SRGAP1: variants seen among roughly 807,000 people sequenced by gnomAD.
The protein encoded by SRGAP1 is SLIT-ROBO Rho GTPase-activating protein 1.
In SRGAP1, 43 loss-of-function variants were observed where a neutral mutation model predicts 121.9. The ratio of observed to expected loss-of-function variants is 0.35; its 90% CI spans 0.28 to 0.46. The LOEUF is 0.46. Among genes scored for constraint, SRGAP1 ranks in the 20% least tolerant of loss-of-function variants. The pLI, the probability that SRGAP1 is intolerant of heterozygous loss-of-function variation, is 1.00. For missense variants in SRGAP1, 1,102 were observed against 1,350.9 expected (o/e 0.82, Z 2.89); for synonymous variants, 447 against 485.4 (o/e 0.92, Z 1.04).
chr12:63,976,722 T>C (rs1376290233), intron 1 of SRGAP1, among the ~76,000 whole-genome samples: 1 of 152,174 alleles, frequency 6.6e-6, no homozygotes, highest in Non-Finnish European at 1.5e-5. Context: ...AGCACAGCCT[T>C]GTGAGGTGGG....
chr12:64,027,536 G>T (rs1318638251), intron 4 of SRGAP1, among the ~76,000 whole-genome samples: 2 of 152,068 alleles, frequency 1.3e-5, no homozygotes, highest in Non-Finnish European at 2.9e-5. Flanking sequence ...GAGAGCCAAG[G>T]CACAGAGTTG....
At chr12:64,097,476 AC>A in intron 15 of SRGAP1, 101 bp downstream of exon 15, 1 of 1,156,152 alleles carries the variant, frequency 8.6e-7, no homozygotes, top group Non-Finnish European at 1.2e-6. Context: ...CACCCCCATT[AC>A]CCCATTACCA....
intron 4 of SRGAP1, among the ~76,000 whole-genome samples, chr12:64,025,028 C>T (rs185986077): frequency 1.3e-5 from 2 of 152,110 alleles, no homozygotes; most frequent in Admixed American, 6.6e-5. Flanking sequence ...TGTCCTGGTA[C>T]AAACCCAGAG....
At chr12:63,966,296 T>C (rs2032788986) in intron 1 of SRGAP1, among the ~76,000 whole-genome samples, 1 of 152,226 alleles carries the variant, frequency 6.6e-6, no homozygotes, top group Non-Finnish European at 1.5e-5. Context: ...TGAGGCTCTA[T>C]ATTTGAACTT....
chr12:64,137,817 C>G (rs1049660614), intron 21 of SRGAP1, among the ~76,000 whole-genome samples: 4 of 151,772 alleles, frequency 2.6e-5, no homozygotes, highest in African/African-American at 9.7e-5. Flanking sequence ...ACCATTAAAC[C>G]GTGCCATGAG....
intron 6 of SRGAP1, among the ~76,000 whole-genome samples, chr12:64,054,352 C>G (rs1343693374): frequency 2.0e-5 from 3 of 152,172 alleles, no homozygotes; most frequent in Non-Finnish European, 4.4e-5. Flanking sequence ...ATATTGCCTG[C>G]CATCCTTTTT....
intron 4 of SRGAP1, among the ~76,000 whole-genome samples, chr12:64,036,762 A>G (rs1383001870): frequency 6.6e-6 from 1 of 152,236 alleles, no homozygotes; most frequent in Non-Finnish European, 1.5e-5. Flanking sequence ...TGCATTGTAG[A>G]TGTTTAATAA....
At chr12:64,076,019 C>G (rs2035731240) in intron 8 of SRGAP1, among the ~76,000 whole-genome samples, 1 of 152,116 alleles carries the variant, frequency 6.6e-6, no homozygotes, top group South Asian at 2.1e-4. Context: ...GGACAAGATG[C>G]ATGGCCAAGC....
intron 1 of SRGAP1, among the ~76,000 whole-genome samples, chr12:63,956,198 A>C (rs540299219): frequency 6.6e-6 from 1 of 152,172 alleles, no homozygotes; most frequent in South Asian, 2.1e-4. Context: ...GAAAAGTACA[A>C]AATTACTGGC....
chr12:63,959,789 A>T (rs1410687461), intron 1 of SRGAP1, among the ~76,000 whole-genome samples: 1 of 152,204 alleles, frequency 6.6e-6, no homozygotes, highest in Admixed American at 6.5e-5. Flanking sequence ...TCCTTTAAAG[A>T]TGAAGAAACT....
At position 64,054,495 on chromosome 12, in the gene SRGAP1, C is replaced by T. The variant is rs567867755; in HGVS notation, c.802-8422C>T. 7.9e-5 allele frequency among the ~76,000 whole-genome samples: 12 copies of T among 152,204 alleles called. No individual in the cohort carries two copies. In the South Asian group the frequency reaches 1.9e-3, roughly 24 times the overall value. On this transcript the variant is annotated intron_variant, in intron 6 of 21. Transcript: ENST00000355086. ...TTAGTTTGACTTTTCCCCCATATAA[C>T]GGTATTAAGATTTGTCCATGGAAAC...
intron 1 of SRGAP1, among the ~76,000 whole-genome samples, chr12:63,963,861 T>G (rs1040981817): frequency 6.6e-6 from 1 of 152,232 alleles, no homozygotes; most frequent in Admixed American, 6.5e-5. Context: ...TTGAAATTTT[T>G]CTTAATTAAA....
chr12:63,870,888 G>C (rs1248139480), intron 1 of SRGAP1, among the ~76,000 whole-genome samples: 1 of 152,090 alleles, frequency 6.6e-6, no homozygotes, highest in Non-Finnish European at 1.5e-5. Context: ...CGCCTTCCTA[G>C]CTTGATTTTC....
intron 21 of SRGAP1, among the ~76,000 whole-genome samples, chr12:64,132,675 A>C (rs556410506): frequency 2.0e-5 from 3 of 152,356 alleles, no homozygotes; most frequent in South Asian, 4.1e-4. Flanking sequence ...TAGCACACAA[A>C]TGTCTCACCA....
At chr12:64,130,502 A>G (rs566907535) in intron 21 of SRGAP1, among the ~76,000 whole-genome samples, 1 of 152,234 alleles carries the variant, frequency 6.6e-6, no homozygotes, top group East Asian at 1.9e-4. Context: ...GCTATGGGAG[A>G]AACTGCACCA....
chr12:63,944,769 C>T (rs2031988128), intron 1 of SRGAP1, among the ~76,000 whole-genome samples: 1 of 152,208 alleles, frequency 6.6e-6, no homozygotes, highest in Non-Finnish European at 1.5e-5. Context: ...TCCATCACTC[C>T]CATAAAAGCT....
intron 1 of SRGAP1, among the ~76,000 whole-genome samples, chr12:63,976,109 C>T (rs898852931): frequency 2.0e-5 from 3 of 152,116 alleles, no homozygotes; most frequent in Non-Finnish European, 4.4e-5. Flanking sequence ...CCATTGAGGT[C>T]CTGCTAGACC....
At chr12:64,089,071 A>G (rs1593116755) in intron 11 of SRGAP1, among the ~76,000 whole-genome samples, 1 of 152,188 alleles carries the variant, frequency 6.6e-6, no homozygotes, top group Admixed American at 6.5e-5. Flanking sequence ...GGATTAGCCA[A>G]TTCCTAGCAG....
chr12:63,847,050 C>T (rs928360927), intron 1 of SRGAP1, among the ~76,000 whole-genome samples: 6 of 151,532 alleles, frequency 4.0e-5, no homozygotes, highest in African/African-American at 1.4e-4. Flanking sequence ...GTTTTGGGAT[C>T]AGGTGCAGTG....
Sources: gnomAD v4.1 joint callset for allele counts (sites outside exome capture counted in the v4.1 genomes callset) on GRCh38, gnomAD v4.1.1 for gene constraint, MANE v1.5 for transcripts, NCBI Gene and HGNC (gene_info 2026-07-23, HGNC 2026-07-21) for gene names.